The following ZC3H8 variants were observed in gnomAD, a reference collection of about 807,000 sequenced individuals.
The protein encoded by ZC3H8 is zinc finger CCCH-type containing 8.
Under a neutral mutation model 42.5 loss-of-function variants are expected in ZC3H8, and 27 were observed. That is an observed-to-expected ratio of 0.64 (90% CI 0.47 to 0.88). The LOEUF is 0.88. ZC3H8 is among the 40% of genes least tolerant of loss of function. The probability of loss-of-function intolerance (pLI) is 0.00; values close to 1 mark genes in which losing one functional copy is unlikely to be tolerated. For missense variants in ZC3H8, 277 were observed against 336.1 expected (o/e 0.82, Z 1.37); for synonymous variants, 101 against 110.1 (o/e 0.92, Z 0.52).
intron 4 of ZC3H8, among the ~76,000 whole-genome samples, chr2:112,235,632 T>G (rs1685286482): frequency 6.6e-6 from 1 of 152,058 alleles, no homozygotes; most frequent in Admixed American, 6.6e-5. Flanking sequence ...AAAGTTGCCA[T>G]CCAGTTAAAA....
chr2:112,234,507 A>G (rs932988653), intron 4 of ZC3H8, among the ~76,000 whole-genome samples: 1 of 152,026 alleles, frequency 6.6e-6, no homozygotes, highest in Non-Finnish European at 1.5e-5. Context: ...AATGAAAAAA[A>G]TTTTTTAAAT....
Position 112,211,954 on chromosome 2 carries a change from CCTT to C in ZC3H8, c.*4527_*4529del, listed in dbSNP as rs1558911685. 1 of 152,160 alleles carries C rather than the reference CCTT, an allele frequency of 6.6e-6. No homozygotes were observed. Among genetic ancestry groups the C allele is most frequent in the African/African-American group, 2.4e-5 (1 of 41,420 alleles). 9.4% of individuals were successfully genotyped at this position (152,160 alleles called of 1,614,324 possible). ...TATCTACTCTTCCTAGTTTTCTGCT[CCTT>C]ATTATGAAAATAGCCCTCCCCATCT... On this transcript the variant is annotated 3_prime_UTR_variant, in exon 9 of 9. Transcript: ENST00000409573.
intron 1 of ZC3H8, among the ~76,000 whole-genome samples, chr2:112,251,081 G>T (rs1394478947): frequency 6.6e-6 from 1 of 152,208 alleles, no homozygotes; most frequent in Admixed American, 6.5e-5. Context: ...GTTGATACTA[G>T]AAATATAGGG....
intron 2 of ZC3H8, among the ~76,000 whole-genome samples, chr2:112,243,806 C>T (rs1685667417): frequency 6.6e-6 from 1 of 151,592 alleles, no homozygotes; most frequent in Admixed American, 6.6e-5. Flanking sequence ...CAGAACATAA[C>T]AAAAAAGCAA....
At chr2:112,235,555 G>C (rs1371224432) in intron 4 of ZC3H8, among the ~76,000 whole-genome samples, 2 of 152,206 alleles carry the variant, frequency 1.3e-5, no homozygotes, top group South Asian at 2.1e-4. Context: ...TTTCAATCTA[G>C]AATATTTGGC....
chr2:112,252,937 A>C (rs972745772), intron 1 of ZC3H8, among the ~76,000 whole-genome samples: 6 of 152,118 alleles, frequency 3.9e-5, no homozygotes, highest in African/African-American at 1.4e-4. Context: ...AGGTCAGGAG[A>C]TCGAGACCAT....
At chr2:112,236,531 C>A (rs766144978) in intron 4 of ZC3H8, 31 bp downstream of exon 4, 17 of 1,606,462 alleles carry the variant, frequency 1.1e-5, no homozygotes, top group Middle Eastern at 1.7e-4. Flanking sequence ...ATGCAGGGGT[C>A]AGGTATTCCT....
Position 112,236,624 on chromosome 2 carries a change from AT to A in ZC3H8, c.441del (p.Lys147AsnfsTer14). Reference protein sequence around the residue: ...KNGKQKKMKRKWPGPGNKGSN... With the variant: ...KNGKQKKMKRXWPGPGNKGSN... The stretch of plus-strand genomic sequence containing the variant: ...GATCCTTTGTTTCCAGGGCCAGGCC[AT>A]TTTCGCTTCATTTTCTTCTGTTTGC... On this transcript the variant is annotated frameshift_variant, in exon 4 of 9. Transcript: ENST00000409573. LOFTEE classifies it high-confidence loss of function. 1 of 1,613,870 alleles carries A rather than the reference AT, an allele frequency of 6.2e-7. No individual in the cohort carries two copies. Among genetic ancestry groups the A allele is most frequent in the Non-Finnish European group, 8.5e-7 (1 of 1,179,878 alleles).
chr2:112,238,625 G>T, intron 2 of ZC3H8, 97 bp from the exon 3 acceptor site: 1 of 944,468 alleles, frequency 1.1e-6, no homozygotes, highest in Non-Finnish European at 1.6e-6. Context: ...ACTGGTCATT[G>T]TTGAAGGTGG....
At chr2:112,221,544 C>T (rs1339585186) in intron 8 of ZC3H8, among the ~76,000 whole-genome samples, 1 of 152,096 alleles carries the variant, frequency 6.6e-6, no homozygotes, top group African/African-American at 2.4e-5. Flanking sequence ...AATGCATGAA[C>T]GAACTAATAC....
chr2:112,245,610 T>C lies in ZC3H8; in HGVS notation c.156+4581A>G, dbSNP rs181194672. ...CAGACGATGCAGTGAGCCAAGGTAA[T>C]GCCAATGCACTCCAGCCTGGGTGAC... On this transcript the variant is annotated intron_variant, in intron 2 of 8. Coordinates refer to ENST00000409573, the MANE Select transcript of ZC3H8 (RefSeq NM_032494.3). 3.4e-4 allele frequency among the ~76,000 whole-genome samples: 52 copies of C among 152,288 alleles called. 1 individual carries two copies. The East Asian group carries it at 9.1e-3, about 27-fold the overall frequency.
chr2:112,249,598 C>T (rs1685876121), intron 2 of ZC3H8, among the ~76,000 whole-genome samples: 1 of 152,146 alleles, frequency 6.6e-6, no homozygotes, highest in Admixed American at 6.5e-5. Flanking sequence ...TGCATGCCAC[C>T]ATGCCTGGCT....
chr2:112,250,639 G>A lies in ZC3H8; in HGVS notation c.75-367C>T, dbSNP rs17838481. ...AATGAAAAATACAGACCCTGTCACT[G>A]TGTTCTGAGAGCTTTCTATCTCCTT... On this transcript the variant is annotated intron_variant, in intron 1 of 8. Coordinates refer to ENST00000409573, the MANE Select transcript of ZC3H8 (RefSeq NM_032494.3). 2.3e-3 allele frequency among the ~76,000 whole-genome samples: 353 copies of A among 152,310 alleles called. 1 individual carries two copies. The highest frequency in any genetic ancestry group is 8.3e-3 in the African/African-American group (344 of 41,572).
intron 6 of ZC3H8, among the ~76,000 whole-genome samples, chr2:112,233,027 T>C (rs1021571107): frequency 1.4e-4 from 22 of 152,212 alleles, no homozygotes; most frequent in Non-Finnish European, 2.8e-4. Flanking sequence ...TCATGGACCC[T>C]CTATACCACC....
intron 7 of ZC3H8, among the ~76,000 whole-genome samples, chr2:112,231,177 C>T (rs1685073570): frequency 6.6e-6 from 1 of 152,066 alleles, no homozygotes; most frequent in African/African-American, 2.4e-5. Context: ...CTTCTAATTC[C>T]ACATTAACCA....
At chr2:112,242,232 C>G (rs754605161) in intron 2 of ZC3H8, among the ~76,000 whole-genome samples, 1 of 152,198 alleles carries the variant, frequency 6.6e-6, no homozygotes, top group African/African-American at 2.4e-5. Flanking sequence ...TAAGCACCCA[C>G]AAGCTAAGAA....
At chr2:112,225,597 AC>A (rs1430154054) in intron 8 of ZC3H8, among the ~76,000 whole-genome samples, 4 of 152,238 alleles carry the variant, frequency 2.6e-5, no homozygotes, top group Non-Finnish European at 5.9e-5. Flanking sequence ...CGGGCAGATC[AC>A]TTGAGGTCAG....
chr2:112,231,864 G>GA lies in ZC3H8; in HGVS notation c.816dup (p.Pro273SerfsTer2). The stretch of plus-strand genomic sequence containing the variant: ...TTAGCCAACAATTCTTGTGTTTCAG[G>GA]AGTCAGTGGAGCATGAGAAAACTTG... On this transcript the variant is annotated frameshift_variant, in exon 7 of 9. Coordinates refer to ENST00000409573, the MANE Select transcript of ZC3H8 (RefSeq NM_032494.3). LOFTEE classifies it high-confidence loss of function. 1.3e-6 allele frequency: 2 copies of GA among 1,588,456 alleles called. No homozygotes were observed. Among genetic ancestry groups the GA allele is most frequent in the South Asian group, 2.3e-5 (2 of 86,452 alleles).
intron 1 of ZC3H8, chr2:112,254,007 C>T: frequency 1.7e-6 from 1 of 598,290 alleles, no homozygotes; most frequent in Non-Finnish European, 2.1e-6. Flanking sequence ...CCTCTCCGTG[C>T]CTCAGTTTTC....
Sources: allele counts gnomAD v4.1 joint callset (sites outside exome capture counted in the v4.1 genomes callset), GRCh38; gene constraint gnomAD v4.1.1; transcripts MANE v1.5; gene names NCBI Gene and HGNC (gene_info 2026-07-23, HGNC 2026-07-21).